The following MYO1E variants were observed in gnomAD, a reference collection of about 807,000 sequenced individuals.
The protein encoded by MYO1E is myosin IE, also known as unconventional myosin-Ie.
Under a neutral mutation model 151.1 loss-of-function variants are expected in MYO1E, and 68 were observed. That is an observed-to-expected ratio of 0.45 (90% CI 0.37 to 0.55). MYO1E has a LOEUF of 0.55. Ranked by LOEUF, MYO1E falls within the 20% of genes least tolerant of loss-of-function variation. The probability of loss-of-function intolerance (pLI) is 0.00; values close to 1 mark genes in which losing one functional copy is unlikely to be tolerated. For missense variants in MYO1E, 1,363 were observed against 1,389.3 expected (o/e 0.98, Z 0.30); for synonymous variants, 601 against 501.7 (o/e 1.20, Z -2.64).
chr15:59,339,253 G>A (rs1030629138), intron 1 of MYO1E, among the ~76,000 whole-genome samples: 1 of 152,236 alleles, frequency 6.6e-6, no homozygotes, highest in South Asian at 2.1e-4. Flanking sequence ...CTCTCCACTG[G>A]TTCTAATGGA....
At chr15:59,323,168 C>CAA (rs10569332) in intron 1 of MYO1E, among the ~76,000 whole-genome samples, 753 of 63,082 alleles carry the variant, frequency 0.012, 3 homozygotes, top group Non-Finnish European at 0.014. Context: ...GACCCCATCA[C>CAA]AAAAAAAAAA....
intron 4 of MYO1E, among the ~76,000 whole-genome samples, chr15:59,255,995 T>C (rs940486637): frequency 2.6e-5 from 4 of 152,008 alleles, no homozygotes; most frequent in Admixed American, 6.5e-5. Flanking sequence ...ATGAAGGGAA[T>C]GAAAAAATAG....
At chr15:59,272,561 G>T in intron 1 of MYO1E, 112 bp from the exon 2 acceptor site, 1 of 1,171,038 alleles carries the variant, frequency 8.5e-7, no homozygotes, top group Non-Finnish European at 1.2e-6. Context: ...AGCAGAAAGA[G>T]CAGTGCAGAG....
At chr15:59,186,201 G>C (rs1311219303) in intron 18 of MYO1E, among the ~76,000 whole-genome samples, 1 of 152,090 alleles carries the variant, frequency 6.6e-6, no homozygotes, top group Non-Finnish European at 1.5e-5. Context: ...CGGTTATTAG[G>C]AAACTCAAAT....
At chr15:59,259,941 ATGGAGATAGATG>A (rs1394616473) in intron 3 of MYO1E, among the ~76,000 whole-genome samples, 2 of 152,176 alleles carry the variant, frequency 1.3e-5, no homozygotes, top group Non-Finnish European at 2.9e-5. Flanking sequence ...CATCTGTGAA[ATGGAGATAGATG>A]TTATGACACA....
intron 1 of MYO1E, among the ~76,000 whole-genome samples, chr15:59,347,801 C>CA (rs2080802787): frequency 6.6e-6 from 1 of 152,118 alleles, no homozygotes; most frequent in Non-Finnish European, 1.5e-5. Context: ...ATACCCCTCA[C>CA]ACCAGAAAAG....
In MYO1E at chr15:59,214,367, T is replaced by C; in HGVS notation, c.1189-53A>G. 3.0e-6 allele frequency: 4 copies of C among 1,348,438 alleles called. No individual in the cohort carries two copies. The East Asian group carries it at 6.9e-5, about 23-fold the overall frequency. The allele number at this position is 1,348,438 out of a possible 1,614,324, so 83.5% of individuals were successfully genotyped here. A position where few individuals can be genotyped will look rare whatever the true frequency, so the allele number is the denominator to read the frequency against. ...ATTCTTTCACAAAATCATTTAAAAG[T>C]CATTTCTGGAGTGATTTATTGAAAT... is the stretch of plus-strand genomic sequence containing the variant. On this transcript the variant is annotated intron_variant, in intron 11 of 27. Coordinates refer to ENST00000288235, the MANE Select transcript of MYO1E (RefSeq NM_004998.4).
At chr15:59,217,464 T>C (rs11638386) in intron 10 of MYO1E, among the ~76,000 whole-genome samples, 80,786 of 146,976 alleles carry the variant, frequency 0.55, 23,522 homozygotes, top group Non-Finnish European at 0.68. Context: ...TGAAGTAAGG[T>C]AATGGGTGAA....
intron 17 of MYO1E, among the ~76,000 whole-genome samples, chr15:59,189,766 G>A (rs1304032597): frequency 2.0e-5 from 3 of 151,976 alleles, no homozygotes; most frequent in African/African-American, 4.8e-5. Context: ...TCGTAGAGAC[G>A]GGGTTTCGCC....
At chr15:59,277,563 A>AACAAAAAAAAAAC (rs1567000047) in intron 1 of MYO1E, among the ~76,000 whole-genome samples, 2 of 130,116 alleles carry the variant, frequency 1.5e-5, no homozygotes, top group South Asian at 2.4e-4. Context: ...AAAAAAAAAA[A>AACAAAAAAAAAAC]AAAAAAAAAA....
chr15:59,198,909 T>C (rs1792213224), intron 16 of MYO1E, among the ~76,000 whole-genome samples: 1 of 152,100 alleles, frequency 6.6e-6, no homozygotes, highest in African/African-American at 2.4e-5. Context: ...TCATGTCCCT[T>C]ATAGCTCCAG....
At chr15:59,143,936 C>T (rs1292652069) in intron 26 of MYO1E, among the ~76,000 whole-genome samples, 7 of 152,210 alleles carry the variant, frequency 4.6e-5, no homozygotes, top group Non-Finnish European at 1.0e-4. Context: ...TCCTAGCCCA[C>T]GGCTTCTCCA....
chr15:59,263,063 GTTTC>G (rs1404530780), intron 2 of MYO1E, among the ~76,000 whole-genome samples: 7 of 152,060 alleles, frequency 4.6e-5, no homozygotes, highest in African/African-American at 1.7e-4. Context: ...ATTCAAAACT[GTTTC>G]TTTCAATGAT....
intron 9 of MYO1E, 167 bp from the exon 10 acceptor site, chr15:59,218,254 T>C (rs1301487832): frequency 1.3e-6 from 1 of 758,234 alleles, no homozygotes; most frequent in Admixed American, 2.0e-5. Context: ...TTATCAGTAA[T>C]CCCATACACA....
At chr15:59,354,793 T>A (rs2080844557) in intron 1 of MYO1E, among the ~76,000 whole-genome samples, 1 of 152,116 alleles carries the variant, frequency 6.6e-6, no homozygotes, top group Non-Finnish European at 1.5e-5. Flanking sequence ...GCCTCTCAAT[T>A]GAAGGGGCGT....
chr15:59,341,886 A>G (rs1394049824), intron 1 of MYO1E, among the ~76,000 whole-genome samples: 2 of 152,174 alleles, frequency 1.3e-5, no homozygotes, highest in Non-Finnish European at 2.9e-5. Context: ...ACACCTACCA[A>G]TGGAATTGCT....
At chr15:59,267,587 G>A (rs1310205375) in intron 2 of MYO1E, among the ~76,000 whole-genome samples, 1 of 152,134 alleles carries the variant, frequency 6.6e-6, no homozygotes, top group African/African-American at 2.4e-5. Flanking sequence ...AAATCTAGTG[G>A]GTCTGGCACG....
chr15:59,353,718 T>G (rs1203326077), intron 1 of MYO1E, among the ~76,000 whole-genome samples: 5 of 147,628 alleles, frequency 3.4e-5, no homozygotes, highest in African/African-American at 1.3e-4. Context: ...AATCATGCCA[T>G]TGCACCCCAG....
intron 1 of MYO1E, among the ~76,000 whole-genome samples, chr15:59,284,050 G>A (rs2080372655): frequency 6.6e-6 from 1 of 152,246 alleles, no homozygotes; most frequent in African/African-American, 2.4e-5. Context: ...GCTCTGCACA[G>A]CCTTGCATAA....
Sources: gnomAD v4.1 joint callset for allele counts (sites outside exome capture counted in the v4.1 genomes callset) on GRCh38, gnomAD v4.1.1 for gene constraint, MANE v1.5 for transcripts, NCBI Gene and HGNC (gene_info 2026-07-23, HGNC 2026-07-21) for gene names.